The following TTC7A variants were observed in gnomAD, a reference collection of about 807,000 sequenced individuals.
TTC7A encodes the protein tetratricopeptide repeat protein 7A.
In TTC7A, 110 loss-of-function variants were observed where a neutral mutation model predicts 103.7. That is an observed-to-expected ratio of 1.06 (90% CI 0.91 to 1.24). TTC7A has a LOEUF of 1.24. TTC7A is among the 50% of genes most tolerant of loss of function. The pLI is 0.00. For missense variants in TTC7A, 1,340 were observed against 1,116.3 expected (o/e 1.20, Z -2.86); for synonymous variants, 521 against 467.9 (o/e 1.11, Z -1.47).
At chr2:46,987,898 C>T (rs1675204284) in intron 5 of TTC7A, among the ~76,000 whole-genome samples, 1 of 151,816 alleles carries the variant, frequency 6.6e-6, no homozygotes, top group East Asian at 1.9e-4. Context: ...GCAAAGGCAC[C>T]TTAGAAAGCC....
chr2:47,021,074 G>A (rs868307683), intron 11 of TTC7A, among the ~76,000 whole-genome samples: 15 of 152,252 alleles, frequency 9.9e-5, no homozygotes, highest in Admixed American at 2.0e-4. Context: ...CTTAGTGACA[G>A]AGGAAGCATC....
intron 8 of TTC7A, among the ~76,000 whole-genome samples, chr2:47,001,399 G>C (rs534273335): frequency 4.6e-5 from 7 of 152,318 alleles, no homozygotes; most frequent in African/African-American, 1.7e-4. Flanking sequence ...GAGGGAATGG[G>C]GGGTGGTTCA....
At position 47,005,971 on chromosome 2, in the gene TTC7A, G is replaced by A. The variant is rs766128522; in HGVS notation, c.1115G>A (p.Arg372Gln). Residue 372 changes from arginine (R) to glutamine (Q), a missense_variant, in exon 9 of 20, where the codon CGG becomes CAG. Physicochemically the swap from Arg to Gln is conservative, Grantham distance 43. Coordinates refer to ENST00000319190, the MANE Select transcript of TTC7A (RefSeq NM_020458.4). ...CGGGTGCCGGAGCAGGAGGAGGACCGGACAGTGAGCTTGCAGAATGCCGCA... is the reference window on the plus strand; with the variant it reads ...CGGGTGCCGGAGCAGGAGGAGGACCAGACAGTGAGCTTGCAGAATGCCGCA... ...LSRVPEQEEDRTVSLQNAAAI... is the reference protein window; with the variant it reads ...LSRVPEQEEDQTVSLQNAAAI... 6 of 1,613,956 alleles carry A rather than the reference G, an allele frequency of 3.7e-6. No homozygotes were observed. Among genetic ancestry groups the A allele is most frequent in the South Asian group, 3.3e-5 (3 of 91,072 alleles).
chr2:47,045,630 A>G (rs978173145), intron 15 of TTC7A: 1 of 152,260 alleles, frequency 6.6e-6, no homozygotes. Flanking sequence ...AATCCTATGG[A>G]TTATATAAGG....
At chr2:46,953,446 TG>T (rs1671576202) in intron 2 of TTC7A, among the ~76,000 whole-genome samples, 1 of 152,130 alleles carries the variant, frequency 6.6e-6, no homozygotes, top group Non-Finnish European at 1.5e-5. Flanking sequence ...TGAGCCACCA[TG>T]CCCGGCCATC....
At chr2:47,072,811 G>A (rs1321763434) in intron 19 of TTC7A, among the ~76,000 whole-genome samples, 1 of 42,100 alleles carries the variant, frequency 2.4e-5, no homozygotes, top group South Asian at 1.1e-3. Flanking sequence ...CTGAAAGGGG[G>A]CCCTGCCCTC....
upstream of TTC7A, among the ~76,000 whole-genome samples, chr2:46,936,763 C>T (rs184254578): frequency 5.9e-5 from 9 of 152,238 alleles, no homozygotes; most frequent in East Asian, 1.5e-3. Context: ...CAAAAGTATT[C>T]ACTTTAGAAT....
intron 2 of TTC7A, among the ~76,000 whole-genome samples, chr2:46,919,642 C>A (rs1025006403): frequency 1.3e-5 from 2 of 152,216 alleles, no homozygotes; most frequent in South Asian, 4.1e-4. Flanking sequence ...AAATCTCAAG[C>A]CTGGTTAACA....
At chr2:46,997,580 T>A (rs1357432880) in intron 8 of TTC7A, among the ~76,000 whole-genome samples, 1 of 152,190 alleles carries the variant, frequency 6.6e-6, no homozygotes, top group African/African-American at 2.4e-5. Flanking sequence ...CTAATAAGCC[T>A]TGAAGCCATG....
chr2:47,005,067 C>T (rs1192971211), intron 8 of TTC7A, among the ~76,000 whole-genome samples: 1 of 152,228 alleles, frequency 6.6e-6, no homozygotes, highest in Non-Finnish European at 1.5e-5. Context: ...TACCGCCACC[C>T]CCAGCAGCCA....
intron 2 of TTC7A, among the ~76,000 whole-genome samples, chr2:46,918,441 A>G (rs1448885670): frequency 6.6e-6 from 1 of 152,210 alleles, no homozygotes; most frequent in African/African-American, 2.4e-5. Context: ...TCCTGCTTCC[A>G]TTCTTGCCCT....
chr2:46,944,259 A>G (rs1019081920), intron 1 of TTC7A, among the ~76,000 whole-genome samples: 3 of 152,194 alleles, frequency 2.0e-5, no homozygotes, highest in African/African-American at 7.2e-5. Flanking sequence ...GTATCCATCA[A>G]CCAACAGCAG....
At chr2:46,927,277 A>T (rs1558476844) in intron 2 of TTC7A, among the ~76,000 whole-genome samples, 1 of 152,146 alleles carries the variant, frequency 6.6e-6, no homozygotes, top group African/African-American at 2.4e-5. Flanking sequence ...TAATGAAAAG[A>T]AACCTAAGCT....
At chr2:46,978,621 C>A in intron 4 of TTC7A, 171 bp from the exon 5 acceptor site, 1 of 455,942 alleles carries the variant, frequency 2.2e-6, no homozygotes, top group Non-Finnish European at 4.0e-6. Flanking sequence ...GGAGAGAATG[C>A]TTTAGACATA....
At chr2:46,973,589 C>G (rs1258775272) in intron 3 of TTC7A, among the ~76,000 whole-genome samples, 1 of 152,160 alleles carries the variant, frequency 6.6e-6, no homozygotes. Context: ...AAACAAATGG[C>G]GTGCTTCCAA....
chr2:46,994,844 T>C lies in TTC7A; in HGVS notation c.1002-292T>C, dbSNP rs142942036. 7.1e-3 allele frequency among the ~76,000 whole-genome samples: 1,075 copies of C among 152,326 alleles called. 11 individuals carry two copies. Among genetic ancestry groups the C allele is most frequent in the Non-Finnish European group, 0.012 (818 of 68,020 alleles). On this transcript the variant is annotated intron_variant, in intron 7 of 19. Coordinates refer to ENST00000319190, the MANE Select transcript of TTC7A (RefSeq NM_020458.4). The stretch of plus-strand genomic sequence containing the variant: ...TCTGTAGCCAACCAGCAGAGCGTAG[T>C]TCTGGCTTCTCCCTGCTTCTTGCCC...
intron 11 of TTC7A, among the ~76,000 whole-genome samples, chr2:47,018,066 C>T (rs1678864893): frequency 1.3e-5 from 2 of 151,972 alleles, no homozygotes; most frequent in African/African-American, 4.8e-5. Context: ...CACTTGAGGT[C>T]AGGAGTTTGA....
At chr2:46,930,375 C>G (rs1336014503) in intron 2 of TTC7A, among the ~76,000 whole-genome samples, 1 of 146,172 alleles carries the variant, frequency 6.8e-6, no homozygotes, top group African/African-American at 2.5e-5. Flanking sequence ...AAAAGATAAG[C>G]AGATTTTATA....
intron 4 of TTC7A, among the ~76,000 whole-genome samples, chr2:46,975,325 C>T (rs1275569728): frequency 6.6e-6 from 1 of 152,128 alleles, no homozygotes; most frequent in Admixed American, 6.5e-5. Context: ...GAGTCCATGC[C>T]ATCCGCTAGG....
Sources: allele counts gnomAD v4.1 joint callset (sites outside exome capture counted in the v4.1 genomes callset), GRCh38; gene constraint gnomAD v4.1.1; transcripts MANE v1.5; gene names NCBI Gene and HGNC (gene_info 2026-07-23, HGNC 2026-07-21).